Variants in B4GALT2 observed in about 807,000 individuals in gnomAD.
The protein encoded by B4GALT2 is N-acetyllactosamine synthase.
A neutral mutation model predicts 33.2 loss-of-function variants in B4GALT2; 18 were observed. The ratio of observed to expected loss-of-function variants is 0.54; its 90% CI spans 0.38 to 0.80. B4GALT2 has a LOEUF of 0.80. B4GALT2 is among the 30% of genes least tolerant of loss of function. The pLI is 0.00. For synonymous variants in B4GALT2, 214 were observed against 217.6 expected (o/e 0.98, Z 0.15); for missense variants, 404 against 526.2 (o/e 0.77, Z 2.27).
chr1:43,989,343 C>T (rs538621462), intron 6 of B4GALT2, among the ~76,000 whole-genome samples: 62 of 104,354 alleles, frequency 5.9e-4, no homozygotes, highest in African/African-American at 1.6e-3. Context: ...AAAAAAATCA[C>T]TAGATCAATA....
Position 43,981,181 on chromosome 1 carries a change from G to C in B4GALT2, c.21G>C (p.Gly7=), listed in dbSNP as rs761552271. The change falls in exon 2 of 7, where the codon GGG becomes GGC. Residue 7 remains glycine, a synonymous_variant. Transcript: ENST00000372324. The surrounding 1 kb of genome is among the most constrained non-coding windows in gnomAD (Gnocchi z 8.1). Reference sequence around the variant, plus strand: ...GCGGGATGAGCAGACTGCTGGGGGGGACGCTGGAGCGCGTCTGCAAGGCTG... The same window carrying C: ...GCGGGATGAGCAGACTGCTGGGGGGCACGCTGGAGCGCGTCTGCAAGGCTG... MSRLLG[G]TLERVCKAVL... The C allele has an allele frequency of 1.1e-5, 17 of 1,600,168 alleles. No individual in the cohort carries two copies. Among genetic ancestry groups the C allele is most frequent in the African/African-American group, 2.7e-5 (2 of 74,916 alleles).
In B4GALT2 at chr1:43,982,636, G is replaced by A. The variant is rs931827066; in HGVS notation, c.549+712G>A. ...GCAAGATAACTGGCCTCGTGTTCAC[G>A]AACTATTGGCTGAGGTGTGGTGTCC... is the stretch of plus-strand genomic sequence containing the variant. On this transcript the variant is annotated intron_variant, in intron 3 of 6. Coordinates refer to ENST00000372324, the MANE Select transcript of B4GALT2 (RefSeq NM_003780.5). This position sits in a 1 kb window ranked among gnomAD's most constrained non-coding sequence, Gnocchi z 4.3. 1.3e-5 allele frequency among the ~76,000 whole-genome samples: 2 copies of A among 152,228 alleles called. No homozygotes were observed. Among genetic ancestry groups the A allele is most frequent in the East Asian group, 1.9e-4 (1 of 5,202 alleles).
chr1:43,989,687 C>T (rs2085702178), intron 6 of B4GALT2, among the ~76,000 whole-genome samples: 1 of 152,224 alleles, frequency 6.6e-6, no homozygotes, highest in Non-Finnish European at 1.5e-5. Flanking sequence ...TGCGCAGCCT[C>T]TGTAAGCTGG....
At position 43,981,152 on chromosome 1, in the gene B4GALT2, G is replaced by A. The variant is rs774767449; in HGVS notation, c.-9G>A. The A allele has an allele frequency of 1.9e-5, 31 of 1,597,768 alleles. No individual in the cohort carries two copies. Among genetic ancestry groups the A allele is most frequent in the Middle Eastern group, 1.7e-4 (1 of 6,044 alleles). On this transcript the variant is annotated 5_prime_UTR_variant, in exon 2 of 7. Transcript: ENST00000372324. This position sits in a 1 kb window ranked among gnomAD's most constrained non-coding sequence, Gnocchi z 8.1. ...GGGCCCACTGGGCGGGCCAGTGGCC[G>A]CCTGCGGGATGAGCAGACTGCTGGG...
At chr1:43,990,237 A>G in intron 6 of B4GALT2, 61 bp from the exon 7 acceptor site, 6 of 1,594,776 alleles carry the variant, frequency 3.8e-6, no homozygotes, top group Non-Finnish European at 5.2e-6. Context: ...TGGGGGGTGT[A>G]GGATTTTATT....
At chr1:43,988,041 T>A (rs985963700) in intron 6 of B4GALT2, among the ~76,000 whole-genome samples, 2 of 152,172 alleles carry the variant, frequency 1.3e-5, no homozygotes, top group Non-Finnish European at 2.9e-5. Context: ...GTCATGGCCA[T>A]GGCAGTAGCC....
At chr1:43,987,474 G>A (rs562937229) in intron 6 of B4GALT2, among the ~76,000 whole-genome samples, 149 of 152,200 alleles carry the variant, frequency 9.8e-4, no homozygotes, top group African/African-American at 3.6e-3. Context: ...CCTAGTTGCT[G>A]TTGCCTAAAA....
intron 3 of B4GALT2, among the ~76,000 whole-genome samples, chr1:43,983,242 G>T (rs925130283): frequency 6.6e-6 from 1 of 152,178 alleles, no homozygotes; most frequent in Non-Finnish European, 1.5e-5. Flanking sequence ...GGATGAAGAC[G>T]GTCTGGTCCC....
Position 43,981,894 on chromosome 1 carries a change from G to C in B4GALT2, c.519G>C (p.Arg173=), listed in dbSNP as rs758272124. 1.2e-6 allele frequency: 2 copies of C among 1,613,846 alleles called. No homozygotes were observed. Among genetic ancestry groups the C allele is most frequent in the East Asian group, 4.5e-5 (2 of 44,880 alleles). ...TACACCCCATCTTGAGGCGGCAGCG[G>C]CTGCGCTACGGCGTCTATGTCATCA... is the stretch of plus-strand genomic sequence containing the variant. The part of the protein sequence containing the change: ...HYLHPILRRQ[R]LRYGVYVINQ... The change falls in exon 3 of 7, where the codon CGG becomes CGC. Residue 173 remains arginine (R), a synonymous_variant. Transcript: ENST00000372324. The surrounding 1 kb of genome is among the most constrained non-coding windows in gnomAD (Gnocchi z 8.1).
rs2085635559 is a variant in B4GALT2, at chr1:43,984,681, G to A, written c.550-184G>A. ...GGCAGTGGCCAGAGAGGAGGCTGGA[G>A]CCACATATGAAAGGCCTTTGTAGGC... is the stretch of plus-strand genomic sequence containing the variant. On this transcript the variant is annotated intron_variant, in intron 3 of 6. Coordinates refer to ENST00000372324, the MANE Select transcript of B4GALT2 (RefSeq NM_003780.5). This position sits in a 1 kb window ranked among gnomAD's most constrained non-coding sequence, Gnocchi z 5.6. Among the ~76,000 whole-genome samples the A allele has an allele frequency of 6.6e-6, 1 of 152,202 alleles. No individual in the cohort carries two copies. The highest frequency in any genetic ancestry group is 6.5e-5 in the Admixed American group (1 of 15,282).
rs2085716069 is a variant in B4GALT2, at chr1:43,990,386, C to G, written c.1057C>G (p.Pro353Ala). 1.9e-6 allele frequency: 3 copies of G among 1,614,046 alleles called. No homozygotes were observed. Among genetic ancestry groups the G allele is most frequent in the Middle Eastern group, 1.6e-4 (1 of 6,084 alleles). The change falls in exon 7 of 7, where the codon CCA (proline) becomes GCA (alanine). Residue 353 changes from proline to alanine, a missense_variant. Pro to Ala is a conservative substitution (Grantham distance 27). Coordinates refer to ENST00000372324, the MANE Select transcript of B4GALT2 (RefSeq NM_003780.5). The stretch of plus-strand genomic sequence containing the variant: ...CCAGGTCTTGGAGGTGTCTCGGCAA[C>G]CACTCTTCACCAATATCACAGTGGA... ...RYQVLEVSRQPLFTNITVDIG... is the reference protein window; with the variant it reads ...RYQVLEVSRQALFTNITVDIG...
intron 1 of B4GALT2, chr1:43,980,146 CCTGTGATT>C (rs2085578838): frequency 2.3e-6 from 3 of 1,284,240 alleles, no homozygotes; most frequent in African/African-American, 1.6e-5. Flanking sequence ...CCAGGGTGTC[CCTGTGATT>C]CTGTGTGCCT....
At chr1:43,980,073 G>A in intron 1 of B4GALT2, 1 of 1,479,684 alleles carries the variant, frequency 6.8e-7, no homozygotes, top group Non-Finnish European at 9.0e-7. Flanking sequence ...GTGTGTTACT[G>A]TCACCCGGGT....
In B4GALT2 at chr1:43,981,509, CAG is replaced by C. The variant is rs779430078; in HGVS notation, c.313+37_313+38del. 6.5e-6 allele frequency: 10 copies of C among 1,539,432 alleles called. No homozygotes were observed. In the East Asian group the frequency reaches 2.3e-4, roughly 36 times the overall value. On this transcript the variant is annotated intron_variant, in intron 2 of 6. Coordinates refer to ENST00000372324, the MANE Select transcript of B4GALT2 (RefSeq NM_003780.5). The surrounding 1 kb of genome is among the most constrained non-coding windows in gnomAD (Gnocchi z 8.1). ...AGGGTAGGGCCTGCCTGTGGGGAAA[CAG>C]GGTTTTATTGGTTTGACTAGAGAAA...
In B4GALT2 at chr1:43,981,334, TAGCAGC is replaced by T. The variant is rs551490191; in HGVS notation, c.191_196del (p.Ser64_Ser65del). ...CTGCCCATGCCCTCCACCCAGCTGC[TAGCAGC>T]AGCAGCAGCAGCAGCAACTGCTCCC... On this transcript the variant is annotated inframe_deletion, in exon 2 of 7. Coordinates refer to ENST00000372324, the MANE Select transcript of B4GALT2 (RefSeq NM_003780.5). The surrounding 1 kb of genome is among the most constrained non-coding windows in gnomAD (Gnocchi z 8.1). 28 of 1,601,284 alleles carry T rather than the reference TAGCAGC, an allele frequency of 1.7e-5. No individual in the cohort carries two copies. In the African/African-American group the frequency reaches 2.1e-4, roughly 12 times the overall value.
Position 43,981,379 on chromosome 1 carries a change from C to T in B4GALT2, c.219C>T (p.Thr73=), listed in dbSNP as rs1346712074. ...SSSNCSRPNA[T]ASSSGLPEVP... ...GCAACTGCTCCCGGCCCAACGCCAC[C>T]GCCTCTAGCTCCGGGCTCCCTGAGG... Residue 73 remains threonine, a synonymous_variant, in exon 2 of 7, where the codon ACC becomes ACT. Transcript: ENST00000372324. The surrounding 1 kb of genome is among the most constrained non-coding windows in gnomAD (Gnocchi z 8.1). 8.8e-6 allele frequency: 14 copies of T among 1,598,882 alleles called. No homozygotes were observed. The highest frequency in any genetic ancestry group is 5.5e-5 in the South Asian group (5 of 91,068).
Position 43,979,254 on chromosome 1 carries a change from TGGTCCGTGGGTCCGCC to T in B4GALT2, c.-297_-282del, listed in dbSNP as rs895342528. 37 of 144,944 alleles carry T rather than the reference TGGTCCGTGGGTCCGCC, an allele frequency of 2.6e-4. No homozygotes were observed. The highest frequency in any genetic ancestry group is 7.7e-4 in the African/African-American group (31 of 40,058). 9.0% of individuals were successfully genotyped at this position (144,944 alleles called of 1,614,324 possible). On this transcript the variant is annotated 5_prime_UTR_variant, in exon 1 of 7. Coordinates refer to ENST00000372324, the MANE Select transcript of B4GALT2 (RefSeq NM_003780.5). This position sits in a 1 kb window ranked among gnomAD's most constrained non-coding sequence, Gnocchi z 4.8. ...GCGCGGGAGGGAGGCGGCGGCGCTGTGGTCCGTGGGTCCGCCGGTCCGTGGGTCTGCCCGGCCGCCC... is the reference window on the plus strand; with the variant it reads ...GCGCGGGAGGGAGGCGGCGGCGCTGTGGTCCGTGGGTCTGCCCGGCCGCCC...
rs1238924181 is a variant in B4GALT2, at chr1:43,982,156, CAG to C, written c.549+233_549+234del. Reference sequence around the variant, plus strand: ...GTTGAGCCCCACTCTCTACCCTTGGCAGGCCTCACCCCATGGTGGTGCAGGCC... The same window carrying C: ...GTTGAGCCCCACTCTCTACCCTTGGCGCCTCACCCCATGGTGGTGCAGGCC... On this transcript the variant is annotated intron_variant, in intron 3 of 6. Coordinates refer to ENST00000372324, the MANE Select transcript of B4GALT2 (RefSeq NM_003780.5). The surrounding 1 kb of genome is among the most constrained non-coding windows in gnomAD (Gnocchi z 4.3). 6.6e-6 allele frequency among the ~76,000 whole-genome samples: 1 copy of C among 152,228 alleles called. No homozygotes were observed. Among genetic ancestry groups the C allele is most frequent in the African/African-American group, 2.4e-5 (1 of 41,460 alleles).
rs749684547 is a variant in B4GALT2, at chr1:43,981,151, C to T, written c.-10C>T. 9.4e-6 allele frequency: 15 copies of T among 1,597,658 alleles called. No individual in the cohort carries two copies. The highest frequency in any genetic ancestry group is 4.0e-5 in the African/African-American group (3 of 74,876). On this transcript the variant is annotated 5_prime_UTR_variant, in exon 2 of 7. Coordinates refer to ENST00000372324, the MANE Select transcript of B4GALT2 (RefSeq NM_003780.5). The surrounding 1 kb of genome is among the most constrained non-coding windows in gnomAD (Gnocchi z 8.1). ...CGGGCCCACTGGGCGGGCCAGTGGC[C>T]GCCTGCGGGATGAGCAGACTGCTGG...
Sources: allele counts gnomAD v4.1 joint callset (sites outside exome capture counted in the v4.1 genomes callset), GRCh38; gene constraint gnomAD v4.1.1; non-coding constraint Gnocchi (gnomAD v3.1); transcripts MANE v1.5; gene names NCBI Gene and HGNC (gene_info 2026-07-23, HGNC 2026-07-21).